The following CNTN5 variants were observed in gnomAD, a reference collection of about 807,000 sequenced individuals.
CNTN5 encodes contactin-5.
In CNTN5, 77 loss-of-function variants were observed where a neutral mutation model predicts 129.1. That is an observed-to-expected ratio of 0.60 (90% confidence interval 0.50 to 0.72). The LOEUF (loss-of-function observed/expected upper bound fraction) is 0.72. Among genes scored for constraint, CNTN5 ranks in the 30% least tolerant of loss-of-function variants. CNTN5 has a pLI of 0.00. For synonymous variants in CNTN5, 509 were observed against 465.6 expected (o/e 1.09, Z -1.20); for missense variants, 1,478 against 1,328.8 (o/e 1.11, Z -1.75).
intron 6 of CNTN5, among the ~76,000 whole-genome samples, chr11:99,878,156 T>A (rs2135843681): frequency 6.6e-6 from 1 of 152,302 alleles, no homozygotes; most frequent in African/African-American, 2.4e-5. Context: ...ACCTTCTTAT[T>A]TTAGAGGCAA....
intron 2 of CNTN5, among the ~76,000 whole-genome samples, chr11:99,347,737 C>T (rs1424862836): frequency 3.9e-5 from 6 of 152,068 alleles, no homozygotes; most frequent in Non-Finnish European, 7.4e-5. Flanking sequence ...ATATTAGCCC[C>T]GATATTTTTC....
intron 3 of CNTN5, among the ~76,000 whole-genome samples, chr11:99,629,741 G>A (rs590114): frequency 0.61 from 92,709 of 151,452 alleles, 29,258 homozygotes; most frequent in Admixed American, 0.74. Context: ...GCTAGGTTCC[G>A]TAAAAATATA....
intron 1 of CNTN5, among the ~76,000 whole-genome samples, chr11:99,189,573 C>A (rs927094907): frequency 8.6e-5 from 13 of 151,592 alleles, no homozygotes; most frequent in African/African-American, 2.9e-4. Context: ...TTAATAATTG[C>A]CATTCTGTTG....
chr11:99,959,949 G>T (rs1400904958), intron 8 of CNTN5, among the ~76,000 whole-genome samples: 2 of 151,032 alleles, frequency 1.3e-5, no homozygotes, highest in East Asian at 1.9e-4. Context: ...AATCCACATT[G>T]AATGAATGTA....
intron 1 of CNTN5, among the ~76,000 whole-genome samples, chr11:99,149,799 C>A (rs546052150): frequency 1.1e-4 from 17 of 151,896 alleles, no homozygotes; most frequent in African/African-American, 2.2e-4. Context: ...ATCACACACA[C>A]AAAAAAATGT....
intron 1 of CNTN5, among the ~76,000 whole-genome samples, chr11:99,081,481 T>C (rs915623973): frequency 1.3e-5 from 2 of 152,206 alleles, no homozygotes; most frequent in African/African-American, 2.4e-5. Flanking sequence ...AATTAATCTG[T>C]AACTTAGGAG....
At position 100,210,327 on chromosome 11, in the gene CNTN5, G is replaced by A. The variant is rs1026099921; in HGVS notation, c.1885-14365G>A. 2.8e-5 allele frequency among the ~76,000 whole-genome samples: 4 copies of A among 143,898 alleles called. No homozygotes were observed. In the Admixed American group the frequency reaches 2.9e-4, roughly 10 times the overall value. 94.4% of individuals were successfully genotyped at this position (143,898 alleles called of 152,430 possible). On this transcript the variant is annotated intron_variant, in intron 15 of 24. Coordinates refer to ENST00000524871, the MANE Select transcript of CNTN5 (RefSeq NM_014361.4). ...AACCTGCCACTGCACTCCAACCTGG[G>A]TGACAGGGCGAGACTATCTCAAAAA...
intron 8 of CNTN5, among the ~76,000 whole-genome samples, chr11:99,979,588 T>G (rs1938209129): frequency 6.6e-6 from 1 of 152,180 alleles, no homozygotes; most frequent in African/African-American, 2.4e-5. Context: ...CTTTTTCTTC[T>G]CTTCTTTACC....
At chr11:99,993,624 G>A (rs1246741131) in intron 8 of CNTN5, among the ~76,000 whole-genome samples, 3 of 152,060 alleles carry the variant, frequency 2.0e-5, no homozygotes, top group Non-Finnish European at 4.4e-5. Context: ...TGCTGCCACT[G>A]ATCTGACAAG....
chr11:99,751,761 G>A (rs960509897), intron 3 of CNTN5, among the ~76,000 whole-genome samples: 15 of 152,256 alleles, frequency 9.9e-5, no homozygotes, highest in African/African-American at 2.9e-4. Context: ...GAATGTTCAC[G>A]TTGCCTTCAA....
chr11:99,125,236 G>A (rs1858564840), intron 1 of CNTN5, among the ~76,000 whole-genome samples: 1 of 151,914 alleles, frequency 6.6e-6, no homozygotes, highest in African/African-American at 2.4e-5. Flanking sequence ...GAATCCAGCA[G>A]CACATTAGAA....
intron 8 of CNTN5, among the ~76,000 whole-genome samples, chr11:100,000,592 G>T (rs1394759219): frequency 6.6e-6 from 1 of 152,184 alleles, no homozygotes; most frequent in Non-Finnish European, 1.5e-5. Flanking sequence ...CTGGGGTCTG[G>T]AGGATGGTGG....
At chr11:99,234,614 A>T (rs538595388) in intron 1 of CNTN5, among the ~76,000 whole-genome samples, 188 of 152,266 alleles carry the variant, frequency 1.2e-3, no homozygotes, top group Admixed American at 4.6e-3. Context: ...AGAAGGCATG[A>T]TCCAAGTCAG....
At chr11:99,075,377 A>G (rs1342909064) in intron 1 of CNTN5, among the ~76,000 whole-genome samples, 1 of 152,198 alleles carries the variant, frequency 6.6e-6, no homozygotes, top group Non-Finnish European at 1.5e-5. Context: ...ATACTGAACA[A>G]TTGATTAAAA....
At chr11:100,036,665 C>T (rs1366760032) in intron 9 of CNTN5, among the ~76,000 whole-genome samples, 4 of 150,344 alleles carry the variant, frequency 2.7e-5, no homozygotes, top group African/African-American at 9.8e-5. Flanking sequence ...TTGTCATTCT[C>T]CTTGAAGAGG....
At chr11:99,537,390 C>A (rs911730082) in intron 2 of CNTN5, among the ~76,000 whole-genome samples, 1 of 152,108 alleles carries the variant, frequency 6.6e-6, no homozygotes, top group African/African-American at 2.4e-5. Flanking sequence ...GTTGAACCCA[C>A]ACCTGTCTAG....
chr11:100,130,941 A>G (rs1300728035), intron 13 of CNTN5, among the ~76,000 whole-genome samples: 2 of 152,102 alleles, frequency 1.3e-5, no homozygotes, highest in African/African-American at 4.8e-5. Context: ...ACCAATAAAC[A>G]ATGGCTTTTC....
intron 21 of CNTN5, among the ~76,000 whole-genome samples, chr11:100,319,754 TTA>T (rs1399196443): frequency 1.3e-5 from 2 of 152,172 alleles, no homozygotes; most frequent in African/African-American, 4.8e-5. Context: ...CTCTCCACTT[TTA>T]TGAGATCAAC....
intron 1 of CNTN5, among the ~76,000 whole-genome samples, chr11:99,059,147 T>C (rs1864766565): frequency 6.6e-6 from 1 of 150,406 alleles, no homozygotes; most frequent in Non-Finnish European, 1.5e-5. Context: ...CTTATACTGG[T>C]CATTGGTTTT....
Sources: allele counts gnomAD v4.1 joint callset (sites outside exome capture counted in the v4.1 genomes callset), GRCh38; gene constraint gnomAD v4.1.1; transcripts MANE v1.5; gene names NCBI Gene and HGNC (gene_info 2026-07-23, HGNC 2026-07-21).